ZNF362: variants seen among roughly 807,000 people sequenced by gnomAD.
ZNF362 encodes the protein rotund homolog.
A neutral mutation model predicts 42.9 loss-of-function variants in ZNF362; 11 were observed. The ratio of observed to expected loss-of-function variants is 0.26; its 90% confidence interval spans 0.16 to 0.42. The LOEUF (loss-of-function observed/expected upper bound fraction) is 0.42. ZNF362 is among the 20% of genes least tolerant of loss of function. The pLI is 1.00. For synonymous variants in ZNF362, 255 were observed against 257.3 expected, an observed-to-expected ratio of 0.99 and a Z score of 0.09; for missense variants, 362 against 576.2, an observed-to-expected ratio of 0.63 and a Z score of 3.81.
chr1:33,281,895 G>T lies in ZNF362; in HGVS notation c.908+84G>T, dbSNP rs559440923. 129 of 1,433,036 alleles carry T rather than the reference G, an allele frequency of 9.0e-5. No individual in the cohort carries two copies. In the Admixed American group the frequency reaches 1.0e-3, roughly 11 times the overall value. The allele number at this position is 1,433,036 out of a possible 1,614,324, so 88.8% of individuals were successfully genotyped here. A position where few individuals can be genotyped will look rare whatever the true frequency, so the allele number is the denominator to read the frequency against. Reference sequence around the variant, plus strand: ...GCACATGGAGCCAGTGCAAGGAGGGGCAAGGACCTTCTCCAGGTGCCCATT... The same window carrying T: ...GCACATGGAGCCAGTGCAAGGAGGGTCAAGGACCTTCTCCAGGTGCCCATT... On this transcript the variant is annotated intron_variant, in intron 6 of 8. Coordinates refer to ENST00000539719, the MANE Select transcript of ZNF362 (RefSeq NM_152493.3). This position sits in a 1 kb window ranked among gnomAD's most constrained non-coding sequence, Gnocchi z 4.8.
At chr1:33,264,720 G>A (rs966816146) in intron 1 of ZNF362, among the ~76,000 whole-genome samples, 1 of 152,094 alleles carries the variant, frequency 6.6e-6, no homozygotes, top group African/African-American at 2.4e-5. Context: ...AGAGAAAATG[G>A]ACTTGACAGA....
chr1:33,162,468 C>G, the ZNF362 span, among the ~76,000 whole-genome samples: 1 of 152,246 alleles, frequency 6.6e-6, no homozygotes, highest in African/African-American at 2.4e-5. Flanking sequence ...TTCTGTCTCC[C>G]TGGCTAGTAA....
At chr1:33,133,573 T>G in the ZNF362 span, among the ~76,000 whole-genome samples, 1 of 152,160 alleles carries the variant, frequency 6.6e-6, no homozygotes, top group East Asian at 1.9e-4. Context: ...AGGGCCGGGA[T>G]GGTGATCACT....
At chr1:33,243,965 AT>A in the ZNF362 span, among the ~76,000 whole-genome samples, 6 of 152,264 alleles carry the variant, frequency 3.9e-5, no homozygotes, top group East Asian at 3.9e-4. Context: ...ATGGAAAAAA[AT>A]ATGTGTAATT....
In ZNF362 at chr1:33,281,594, G is replaced by A; in HGVS notation, c.691G>A (p.Val231Ile). Reference protein sequence around the residue: ...AKEGKTYRCKVCPLTFFTKSE... With the variant: ...AKEGKTYRCKICPLTFFTKSE... ...CTGTCTCTTGCTCCGCAGGTGTAAG[G>A]TATGCCCACTGACCTTTTTCACCAA... is the stretch of plus-strand genomic sequence containing the variant. The change falls in exon 6 of 9, where the codon GTA (valine) becomes ATA (isoleucine). Residue 231 changes from valine (V) to isoleucine (I), a missense_variant. Coordinates refer to ENST00000539719, the MANE Select transcript of ZNF362 (RefSeq NM_152493.3). The surrounding 1 kb of genome is among the most constrained non-coding windows in gnomAD (Gnocchi z 4.8). 3 of 1,614,170 alleles carry A rather than the reference G, an allele frequency of 1.9e-6. No individual in the cohort carries two copies. The highest frequency in any genetic ancestry group is 2.5e-6 in the Non-Finnish European group (3 of 1,180,036).
intron 1 of ZNF362, among the ~76,000 whole-genome samples, chr1:33,268,519 G>C (rs1398961280): frequency 6.6e-6 from 1 of 152,210 alleles, no homozygotes; most frequent in Non-Finnish European, 1.5e-5. Context: ...GAAAGGCAGG[G>C]TACAAAGGGA....
At chr1:33,190,096 G>A in the ZNF362 span, among the ~76,000 whole-genome samples, 2 of 152,132 alleles carry the variant, frequency 1.3e-5, no homozygotes, top group Non-Finnish European at 2.9e-5. Flanking sequence ...GTGGTACTGG[G>A]TCTGAGGACT....
upstream of ZNF362, chr1:33,256,450 CCCGCCG>C (rs761575797): frequency 4.4e-5 from 7 of 157,370 alleles, no homozygotes; most frequent in South Asian, 1.8e-4. Context: ...GACCCAGCCT[CCCGCCG>C]CCGCCGCCGC....
the ZNF362 span, among the ~76,000 whole-genome samples, chr1:33,183,750 T>A: frequency 1.3e-5 from 2 of 152,200 alleles, no homozygotes; most frequent in African/African-American, 2.4e-5. Flanking sequence ...TTGGTGGCAA[T>A]GCTTGGAATT....
At chr1:33,189,639 A>ATATATATATATATATATACG in the ZNF362 span, among the ~76,000 whole-genome samples, 1 of 14,056 alleles carries the variant, frequency 7.1e-5, no homozygotes, top group Non-Finnish European at 2.3e-4. Context: ...TCCAGCATAT[A>ATATATATATATATATATACG]TATATATATA....
chr1:33,258,342 A>G (rs750246016), intron 1 of ZNF362, among the ~76,000 whole-genome samples: 2 of 151,852 alleles, frequency 1.3e-5, no homozygotes, highest in Non-Finnish European at 2.9e-5. Flanking sequence ...TGTGTCCCCT[A>G]CCCCAGCATT....
the ZNF362 span, among the ~76,000 whole-genome samples, chr1:33,143,935 C>G: frequency 6.9e-4 from 105 of 152,358 alleles, 1 homozygote; most frequent in African/African-American, 2.4e-3. Context: ...ACTTTGGAGA[C>G]AAGACAGAAT....
Position 33,280,384 on chromosome 1 carries a change from G to A in ZNF362, c.610G>A (p.Gly204Ser). 6.2e-7 allele frequency: 1 copy of A among 1,613,694 alleles called. No homozygotes were observed. Among genetic ancestry groups the A allele is most frequent in the Non-Finnish European group, 8.5e-7 (1 of 1,179,842 alleles). ...AAAGATCAAGGCGGAGAACCCGGGGGGTCCGCCTGTCCTTGTAGTCCCCTA... is the reference window on the plus strand; with the variant it reads ...AAAGATCAAGGCGGAGAACCCGGGGAGTCCGCCTGTCCTTGTAGTCCCCTA... ...RKKIKAENPGGPPVLVVPYPI... is the reference protein window; with the variant it reads ...RKKIKAENPGSPPVLVVPYPI... The change falls in exon 5 of 9, where the codon GGT becomes AGT. Residue 204 changes from glycine to serine, a missense_variant. Gly to Ser is a moderately conservative substitution (Grantham distance 56). Transcript: ENST00000539719. This position sits in a 1 kb window ranked among gnomAD's most constrained non-coding sequence, Gnocchi z 5.6.
At chr1:33,297,858 C>T (rs959902463) in intron 8 of ZNF362, among the ~76,000 whole-genome samples, 6 of 152,196 alleles carry the variant, frequency 3.9e-5, no homozygotes, top group East Asian at 1.9e-4. Context: ...ATTCCTGCAT[C>T]GTAGTAGCTC....
chr1:33,285,958 G>A lies in ZNF362; in HGVS notation c.908+4147G>A, dbSNP rs1570404287. ...GGTGCCTGTAATTCCAGCTACTTAG[G>A]AGGCCAAGGCAGGAGAATCATTTGA... is the stretch of plus-strand genomic sequence containing the variant. On this transcript the variant is annotated intron_variant, in intron 6 of 8. Transcript: ENST00000539719. 3.3e-5 allele frequency among the ~76,000 whole-genome samples: 5 copies of A among 152,170 alleles called. No homozygotes were observed. The East Asian group carries it at 9.6e-4, about 29-fold the overall frequency.
chr1:33,166,315 C>G, the ZNF362 span: 6 of 151,996 alleles, frequency 3.9e-5, no homozygotes, highest in African/African-American at 1.5e-4. Flanking sequence ...CTTGAATCAT[C>G]CTGAAACCAT....
the ZNF362 span, chr1:33,141,760 T>C: frequency 1.2e-5 from 2 of 167,214 alleles, no homozygotes; most frequent in African/African-American, 4.8e-5. Context: ...GATAGGTTGA[T>C]AGGTGCAGCA....
rs1191601387 is a variant in ZNF362, at chr1:33,280,380, G to C, written c.606G>C (p.Pro202=). The part of the protein sequence containing the change: ...RGRKKIKAEN[P]GGPPVLVVPY... ...GCAAAAAGATCAAGGCGGAGAACCCGGGGGGTCCGCCTGTCCTTGTAGTCC... is the reference window on the plus strand; with the variant it reads ...GCAAAAAGATCAAGGCGGAGAACCCCGGGGGTCCGCCTGTCCTTGTAGTCC... Residue 202 remains proline (P), a synonymous_variant, in exon 5 of 9, where the codon CCG becomes CCC. Transcript: ENST00000539719. This position sits in a 1 kb window ranked among gnomAD's most constrained non-coding sequence, Gnocchi z 5.6. 1 of 1,613,588 alleles carries C rather than the reference G, an allele frequency of 6.2e-7. No homozygotes were observed. The highest frequency in any genetic ancestry group is 8.5e-7 in the Non-Finnish European group (1 of 1,179,784).
the ZNF362 span, among the ~76,000 whole-genome samples, chr1:33,136,113 C>CCCTTTCCTT: frequency 2.6e-3 from 273 of 103,570 alleles, 2 homozygotes; most frequent in African/African-American, 0.01. Context: ...CAGGGGCCAG[C>CCCTTTCCTT]CCTTCCTTCC....
Sources: gnomAD v4.1 joint callset for allele counts (sites outside exome capture counted in the v4.1 genomes callset) on GRCh38, gnomAD v4.1.1 for gene constraint, Gnocchi (gnomAD v3.1) non-coding constraint, MANE v1.5 for transcripts, NCBI Gene and HGNC (gene_info 2026-07-23, HGNC 2026-07-21) for gene names.